The following DCTN4 variants were observed in gnomAD, a reference collection of about 807,000 sequenced individuals.
DCTN4 encodes dynactin subunit 4.
In DCTN4, 23 loss-of-function variants were observed where a neutral mutation model predicts 62.7. The observed-to-expected ratio is 0.37, with a 90% confidence interval of 0.26 to 0.52. DCTN4 has a LOEUF of 0.52. DCTN4 is among the 20% of genes least tolerant of loss of function. The pLI is 0.92. For missense variants in DCTN4, 514 were observed against 580.4 expected (o/e 0.89, Z 1.18); for synonymous variants, 199 against 202.1 (o/e 0.98, Z 0.13).
intron 8 of DCTN4, among the ~76,000 whole-genome samples, chr5:150,723,334 G>C (rs1760022506): frequency 1.3e-5 from 2 of 152,126 alleles, no homozygotes; most frequent in South Asian, 4.1e-4. Flanking sequence ...TTACATTAAG[G>C]TTGCCATATT....
intron 11 of DCTN4, among the ~76,000 whole-genome samples, chr5:150,717,405 A>G (rs1196014195): frequency 6.6e-6 from 1 of 152,150 alleles, no homozygotes; most frequent in East Asian, 1.9e-4. Flanking sequence ...ATCTGCCATC[A>G]TGCCCGGCTA....
chr5:150,747,519 A>G (rs963732443), intron 3 of DCTN4, among the ~76,000 whole-genome samples: 21 of 152,248 alleles, frequency 1.4e-4, no homozygotes, highest in Non-Finnish European at 2.9e-4. Flanking sequence ...TGGAGGCATC[A>G]CACTAACTGA....
chr5:150,753,559 G>T lies in DCTN4; in HGVS notation c.305C>A (p.Thr102Asn). ...TQLPDDPAKTTMKKAYYLACG... is the reference protein window; with the variant it reads ...TQLPDDPAKTNMKKAYYLACG... Reference sequence around the variant, plus strand: ...TGCCAGGTAATAGGCTTTCTTCATGGTGGTCTTGGCTGGGTCATCTGGAAG... The same window carrying T: ...TGCCAGGTAATAGGCTTTCTTCATGTTGGTCTTGGCTGGGTCATCTGGAAG... Residue 102 changes from threonine (T) to asparagine (N), a missense_variant, in exon 3 of 13, where the codon ACC becomes AAC. Coordinates refer to ENST00000447998, the MANE Select transcript of DCTN4 (RefSeq NM_016221.4). 6.2e-7 allele frequency: 1 copy of T among 1,614,172 alleles called. No homozygotes were observed. The highest frequency in any genetic ancestry group is 8.5e-7 in the Non-Finnish European group (1 of 1,180,036).
Position 150,756,318 on chromosome 5 carries a change from C to T in DCTN4, c.206+99G>A, listed in dbSNP as rs891771855. The T allele has an allele frequency of 8.6e-5, 66 of 770,758 alleles. No individual in the cohort carries two copies. The African/African-American group carries it at 1.0e-3, about 12-fold the overall frequency. The allele number at this position is 770,758 out of a possible 1,614,324, so 47.7% of individuals were successfully genotyped here. ...CCTCCCAAAGTGCTGGGATTACAGG[C>T]GTGAGCCACCATGCCTGGCCCATGT... On this transcript the variant is annotated intron_variant, in intron 2 of 12. Coordinates refer to ENST00000447998, the MANE Select transcript of DCTN4 (RefSeq NM_016221.4).
chr5:150,731,837 C>T, intron 5 of DCTN4: 1 of 1,514,344 alleles, frequency 6.6e-7, no homozygotes, highest in Non-Finnish European at 9.0e-7. Context: ...CACCAGTGGT[C>T]ATCTGCTAAC....
At chr5:150,758,530 C>A in intron 1 of DCTN4, 1 of 1,022,230 alleles carries the variant, frequency 9.8e-7, no homozygotes, top group Non-Finnish European at 1.2e-6. Flanking sequence ...TTTTTCGCCC[C>A]TTAAGTGGCC....
At chr5:150,721,084 T>C (rs147930889) in intron 9 of DCTN4, among the ~76,000 whole-genome samples, 6 of 152,336 alleles carry the variant, frequency 3.9e-5, no homozygotes, top group African/African-American at 9.6e-5. Context: ...GAATACATTA[T>C]TCCCATTTCA....
intron 4 of DCTN4, among the ~76,000 whole-genome samples, chr5:150,736,578 C>T (rs901073508): frequency 6.6e-5 from 10 of 152,058 alleles, no homozygotes; most frequent in African/African-American, 2.4e-4. Flanking sequence ...TTGTCAGTAC[C>T]AAGCCAGCAC....
At chr5:150,744,770 T>C (rs1349180026) in intron 3 of DCTN4, among the ~76,000 whole-genome samples, 1 of 151,940 alleles carries the variant, frequency 6.6e-6, no homozygotes, top group East Asian at 1.9e-4. Context: ...AGGCCTGCCC[T>C]AAAAGAGCTC....
At chr5:150,711,439 T>C in intron 12 of DCTN4, 77 bp from the exon 13 acceptor site, 2 of 1,117,014 alleles carry the variant, frequency 1.8e-6, no homozygotes, top group South Asian at 1.3e-5. Context: ...GTAAAAGTCT[T>C]TCACCTTATT....
intron 7 of DCTN4, 33 bp downstream of exon 7, chr5:150,731,011 C>T (rs769377612): frequency 1.5e-6 from 2 of 1,301,996 alleles, no homozygotes; most frequent in East Asian, 4.6e-5. Context: ...TAGATGTAGA[C>T]TAGAAACAAA....
intron 4 of DCTN4, among the ~76,000 whole-genome samples, chr5:150,735,259 A>C (rs1487416821): frequency 6.6e-6 from 1 of 152,196 alleles, no homozygotes; most frequent in Non-Finnish European, 1.5e-5. Context: ...CTGCCCTCAA[A>C]AGGAGAAAAC....
At chr5:150,727,644 C>T (rs543903190) in intron 8 of DCTN4, among the ~76,000 whole-genome samples, 149 of 151,460 alleles carry the variant, frequency 9.8e-4, no homozygotes, top group African/African-American at 3.3e-3. Flanking sequence ...GGCGTGGTGG[C>T]GGGCGCCTGT....
intron 1 of DCTN4, chr5:150,757,953 A>G: frequency 3.8e-6 from 2 of 523,708 alleles, no homozygotes; most frequent in Non-Finnish European, 4.9e-6. Flanking sequence ...CTTTACCTGT[A>G]AAAAAAATTT....
intron 5 of DCTN4, 34 bp downstream of exon 5, chr5:150,733,334 G>C (rs1407845185): frequency 6.7e-7 from 1 of 1,491,006 alleles, no homozygotes; most frequent in Non-Finnish European, 9.3e-7. Flanking sequence ...AGGCCTTAGA[G>C]GTCTTGCAAA....
intron 8 of DCTN4, among the ~76,000 whole-genome samples, chr5:150,730,419 A>T (rs1394422010): frequency 6.6e-6 from 1 of 152,222 alleles, no homozygotes; most frequent in Non-Finnish European, 1.5e-5. Flanking sequence ...TACATTTGTA[A>T]AACAGGTTTA....
At chr5:150,731,325 C>CTG (rs3217226) in intron 6 of DCTN4, 91 bp downstream of exon 6, 49,235 of 1,088,266 alleles carry the variant, frequency 0.045, 902 homozygotes, top group East Asian at 0.16. Context: ...CCATTGACAA[C>CTG]TGTGTGTGTG....
chr5:150,715,308 A>C (rs1193350250), intron 12 of DCTN4, among the ~76,000 whole-genome samples: 1 of 152,230 alleles, frequency 6.6e-6, no homozygotes, highest in Non-Finnish European at 1.5e-5. Flanking sequence ...AACTGTATTT[A>C]TAGAATGATC....
intron 4 of DCTN4, among the ~76,000 whole-genome samples, chr5:150,735,544 G>T (rs892351172): frequency 6.6e-6 from 1 of 152,232 alleles, no homozygotes; most frequent in South Asian, 2.1e-4. Flanking sequence ...AGCTCTGGCC[G>T]GGTGGCTAGA....
Sources: allele counts gnomAD v4.1 joint callset (sites outside exome capture counted in the v4.1 genomes callset), GRCh38; gene constraint gnomAD v4.1.1; transcripts MANE v1.5; gene names NCBI Gene and HGNC (gene_info 2026-07-23, HGNC 2026-07-21).